Variants in ZNF362 observed in about 807,000 individuals in gnomAD.
ZNF362 encodes the protein zinc finger protein 362.
In ZNF362, 11 loss-of-function variants were observed where a neutral mutation model predicts 42.9. The ratio of observed to expected loss-of-function variants is 0.26; its 90% CI spans 0.16 to 0.42. The LOEUF (loss-of-function observed/expected upper bound fraction) is 0.42. ZNF362 is among the 20% of genes least tolerant of loss of function. The probability of loss-of-function intolerance (pLI) is 1.00; values close to 1 mark genes in which losing one functional copy is unlikely to be tolerated. For missense variants in ZNF362, 362 were observed against 576.2 expected (o/e 0.63, Z 3.81); for synonymous variants, 255 against 257.3 (o/e 0.99, Z 0.09).
the ZNF362 span, among the ~76,000 whole-genome samples, chr1:33,222,913 T>A: frequency 6.6e-6 from 1 of 152,098 alleles, no homozygotes; most frequent in Non-Finnish European, 1.5e-5. Context: ...TCTGTGCTGT[T>A]CTCTTGAGAG....
At chr1:33,182,600 TTGTGTGTGTGTGTG>T in the ZNF362 span, among the ~76,000 whole-genome samples, 2 of 146,978 alleles carry the variant, frequency 1.4e-5, no homozygotes, top group South Asian at 2.2e-4. Context: ...AGTGCTGTAT[TTGTGTGTGTGTGTG>T]TGTGTGTGTG....
intron 6 of ZNF362, among the ~76,000 whole-genome samples, chr1:33,289,176 G>C (rs953205737): frequency 3.3e-5 from 5 of 152,192 alleles, no homozygotes. Flanking sequence ...TCCCCAGTCA[G>C]AGGAAGAACG....
chr1:33,162,086 A>G, the ZNF362 span, among the ~76,000 whole-genome samples: 1 of 152,132 alleles, frequency 6.6e-6, no homozygotes, highest in Admixed American at 6.5e-5. Context: ...CTTGGTCTAC[A>G]AGTCAACTCT....
At chr1:33,238,009 A>G in the ZNF362 span, among the ~76,000 whole-genome samples, 1 of 152,106 alleles carries the variant, frequency 6.6e-6, no homozygotes, top group Non-Finnish European at 1.5e-5. Context: ...AATATTTACT[A>G]TCTAGCCTTT....
the ZNF362 span, among the ~76,000 whole-genome samples, chr1:33,250,896 G>GAAGA: frequency 1.8e-4 from 7 of 39,910 alleles, no homozygotes; most frequent in African/African-American, 1.7e-4. Context: ...GAAGAAGAAG[G>GAAGA]AGAAGAAGAA....
the ZNF362 span, among the ~76,000 whole-genome samples, chr1:33,228,032 C>G: frequency 6.6e-6 from 1 of 152,160 alleles, no homozygotes; most frequent in African/African-American, 2.4e-5. Context: ...ATTTCTTTTA[C>G]ATAAATTTGT....
At chr1:33,157,943 G>C in the ZNF362 span, among the ~76,000 whole-genome samples, 2 of 152,086 alleles carry the variant, frequency 1.3e-5, no homozygotes, top group Non-Finnish European at 2.9e-5. Flanking sequence ...TTTTAATAGA[G>C]ACAGGGTTTC....
the ZNF362 span, among the ~76,000 whole-genome samples, chr1:33,127,877 A>G: frequency 0.013 from 1,978 of 152,158 alleles, 44 homozygotes; most frequent in African/African-American, 0.045. Context: ...GCATTATTCA[A>G]TTAATCGACA....
chr1:33,229,626 C>T, the ZNF362 span, among the ~76,000 whole-genome samples: 14 of 151,886 alleles, frequency 9.2e-5, no homozygotes, highest in East Asian at 5.8e-4. Flanking sequence ...AGACTGGTCT[C>T]GAACTCCTGA....
At position 33,299,154 on chromosome 1, in the gene ZNF362, C is replaced by T. The variant is rs1646147143; in HGVS notation, c.*108C>T. ...CTCCAGGAACCACCAAGCTCTCTCA[C>T]GACCTTCCCAATCTTCCAGAAAGCT... On this transcript the variant is annotated 3_prime_UTR_variant, in exon 9 of 9. Coordinates refer to ENST00000539719, the MANE Select transcript of ZNF362 (RefSeq NM_152493.3). 1.2e-6 allele frequency: 1 copy of T among 816,438 alleles called. No homozygotes were observed. Among genetic ancestry groups the T allele is most frequent in the Non-Finnish European group, 2.0e-6 (1 of 501,180 alleles). The allele number at this position is 816,438 out of a possible 1,614,324, so 50.6% of individuals were successfully genotyped here.
chr1:33,248,675 T>A, the ZNF362 span, among the ~76,000 whole-genome samples: 192 of 152,312 alleles, frequency 1.3e-3, 5 homozygotes, highest in Non-Finnish European at 1.3e-4. Flanking sequence ...CTTTCATCCC[T>A]CCTCTGCTCA....
chr1:33,191,912 G>A, the ZNF362 span, among the ~76,000 whole-genome samples: 1 of 152,212 alleles, frequency 6.6e-6, no homozygotes, highest in East Asian at 1.9e-4. Flanking sequence ...CTTGAAGAGG[G>A]CAAGTATCAT....
the ZNF362 span, among the ~76,000 whole-genome samples, chr1:33,140,337 T>C: frequency 6.6e-6 from 1 of 152,240 alleles, no homozygotes; most frequent in African/African-American, 2.4e-5. The surrounding 1 kb of genome is among the most constrained non-coding windows in gnomAD (Gnocchi z 4.0). Context: ...TCTGCTTTTT[T>C]TGGTGACCTT....
intron 6 of ZNF362, among the ~76,000 whole-genome samples, chr1:33,284,026 A>G (rs1646014937): frequency 6.6e-6 from 1 of 152,250 alleles, no homozygotes; most frequent in South Asian, 2.1e-4. Flanking sequence ...GTGTGTATGT[A>G]TGTGAAAAAA....
chr1:33,242,763 C>G, the ZNF362 span, among the ~76,000 whole-genome samples: 1,302 of 152,312 alleles, frequency 8.5e-3, 16 homozygotes, highest in African/African-American at 0.029. Flanking sequence ...CTCTCTGCTC[C>G]TGGTTCAGAA....
Position 33,291,458 on chromosome 1 carries a change from G to A in ZNF362, c.909-3479G>A, listed in dbSNP as rs573067798. ...TTGGTACCAGTATCATGCTGTTTTG[G>A]TTACTGTAGCCTTGTAGTATAGTTT... On this transcript the variant is annotated intron_variant, in intron 6 of 8. Coordinates refer to ENST00000539719, the MANE Select transcript of ZNF362 (RefSeq NM_152493.3). Among the ~76,000 whole-genome samples the A allele has an allele frequency of 7.7e-4, 118 of 152,280 alleles. 1 individual carries two copies. Among genetic ancestry groups the A allele is most frequent in the African/African-American group, 2.7e-3 (114 of 41,544 alleles).
chr1:33,225,509 C>A, the ZNF362 span, among the ~76,000 whole-genome samples: 70 of 152,098 alleles, frequency 4.6e-4, no homozygotes, highest in East Asian at 0.012. Context: ...TGCCATGATG[C>A]CAGAAGCATG....
chr1:33,234,340 G>A, the ZNF362 span, among the ~76,000 whole-genome samples: 1 of 152,122 alleles, frequency 6.6e-6, no homozygotes, highest in African/African-American at 2.4e-5. Context: ...GCATACAGTA[G>A]GAGCTCAAAT....
At chr1:33,184,412 G>T in the ZNF362 span, among the ~76,000 whole-genome samples, 1 of 152,216 alleles carries the variant, frequency 6.6e-6, no homozygotes, top group Non-Finnish European at 1.5e-5. Context: ...TCGGAGGAAT[G>T]GCTGGTCCAC....
Sources: gnomAD v4.1 joint callset for allele counts (sites outside exome capture counted in the v4.1 genomes callset) on GRCh38, gnomAD v4.1.1 for gene constraint, Gnocchi (gnomAD v3.1) non-coding constraint, MANE v1.5 for transcripts, NCBI Gene and HGNC (gene_info 2026-07-23, HGNC 2026-07-21) for gene names.